Variants in USP37 observed in about 807,000 individuals in gnomAD.
USP37 encodes ubiquitin specific peptidase 37.
USP37 carries 27 observed loss-of-function variants against 124.0 expected under a neutral mutation model. The observed-to-expected ratio is 0.22, with a 90% confidence interval of 0.16 to 0.30. The LOEUF is 0.30. Among genes scored for constraint, USP37 ranks in the 10% least tolerant of loss-of-function variants. The pLI, the probability that USP37 is intolerant of heterozygous loss-of-function variation, is 1.00. For synonymous variants in USP37, 365 were observed against 388.0 expected (o/e 0.94, Z 0.70); for missense variants, 889 against 1,140.4 (o/e 0.78, Z 3.17).
rs573256010 is a variant in USP37 at position 218,454,260 on chromosome 2, A to C, written c.*670T>G. ...TTCTTGGGACTGCATGTAAACAGCA[A>C]AGACATCACAAATTCATGAAATTTG... On this transcript the variant is annotated 3_prime_UTR_variant, in exon 26 of 26. Coordinates refer to ENST00000258399, the MANE Select transcript of USP37 (RefSeq NM_020935.3). 6.5e-6 allele frequency: 1 copy of C among 152,776 alleles called. No homozygotes were observed. The highest frequency in any genetic ancestry group is 1.9e-4 in the East Asian group (1 of 5,192). 9.5% of individuals were successfully genotyped at this position (152,776 alleles called of 1,614,324 possible).
intron 4 of USP37, among the ~76,000 whole-genome samples, chr2:218,555,527 A>G (rs1692919904): frequency 6.6e-6 from 1 of 152,226 alleles, no homozygotes; most frequent in African/African-American, 2.4e-5. Context: ...AATAGATAAC[A>G]TTAAACGCAT....
intron 2 of USP37, among the ~76,000 whole-genome samples, 170 bp from the exon 3 acceptor site, chr2:218,561,053 T>C (rs1057425497): frequency 6.6e-6 from 1 of 152,236 alleles, no homozygotes; most frequent in Non-Finnish European, 1.5e-5. Context: ...GTCAAAGTAA[T>C]AGAGTCCATT....
intron 1 of USP37, among the ~76,000 whole-genome samples, chr2:218,565,323 C>T (rs1023667184): frequency 6.6e-5 from 10 of 152,154 alleles, no homozygotes; most frequent in East Asian, 3.8e-4. Context: ...AAAGATTAAC[C>T]GGTTGTTAAA....
At chr2:218,546,610 G>T (rs1184245602) in intron 7 of USP37, among the ~76,000 whole-genome samples, 4 of 152,120 alleles carry the variant, frequency 2.6e-5, no homozygotes, top group Non-Finnish European at 4.4e-5. Flanking sequence ...TAGTAGAGAA[G>T]GGTTTTCACT....
At chr2:218,537,789 G>C (rs531696429) in intron 8 of USP37, among the ~76,000 whole-genome samples, 1 of 152,284 alleles carries the variant, frequency 6.6e-6, no homozygotes, top group South Asian at 2.1e-4. Context: ...TCACCCACAG[G>C]AGAGTTGCAG....
intron 11 of USP37, chr2:218,498,465 T>C (rs71415838): frequency 0.055 from 9,263 of 168,394 alleles, 377 homozygotes; most frequent in East Asian, 0.12. Context: ...CAGTGGCTCA[T>C]GCCTGTAATC....
chr2:218,522,562 CA>C (rs11335637), intron 10 of USP37, among the ~76,000 whole-genome samples: 101,504 of 105,358 alleles, frequency 0.96, 48,873 homozygotes, highest in Middle Eastern at 0.99. Flanking sequence ...AACTCCACCA[CA>C]AAAAAAAAAA....
intron 1 of USP37, among the ~76,000 whole-genome samples, chr2:218,564,942 G>C: frequency 6.6e-6 from 1 of 151,814 alleles, no homozygotes; most frequent in East Asian, 1.9e-4. Flanking sequence ...TTTCATTTGA[G>C]ACAGAACCTC....
intron 20 of USP37, among the ~76,000 whole-genome samples, chr2:218,471,820 G>C (rs1030177355): frequency 6.6e-6 from 1 of 152,090 alleles, no homozygotes; most frequent in Non-Finnish European, 1.5e-5. Flanking sequence ...GAGGTCAGGA[G>C]TTCGAGACCA....
In USP37 at chr2:218,453,896, A is replaced by C. The variant is rs1689564782; in HGVS notation, c.*1034T>G. On this transcript the variant is annotated 3_prime_UTR_variant, in exon 26 of 26. Coordinates refer to ENST00000258399, the MANE Select transcript of USP37 (RefSeq NM_020935.3). ...AGGGCTTTTAGCTTCAGTGGTCCAG[A>C]ATTTTAGCTTTACCAGAAGAACACT... 6.6e-6 allele frequency: 1 copy of C among 152,150 alleles called. No homozygotes were observed. The highest frequency in any genetic ancestry group is 1.5e-5 in the Non-Finnish European group (1 of 68,026). The allele number at this position is 152,150 out of a possible 1,614,324, so 9.4% of individuals were successfully genotyped here.
chr2:218,506,286 C>CTTTTTTTTTTT (rs60620765), intron 11 of USP37, among the ~76,000 whole-genome samples: 1 of 72,618 alleles, frequency 1.4e-5, no homozygotes, highest in Non-Finnish European at 2.4e-5. Flanking sequence ...TTCTTTCTGG[C>CTTTTTTTTTTT]TTTTTTTTTT....
chr2:218,481,749 AG>A (rs1418155428), intron 17 of USP37, among the ~76,000 whole-genome samples: 1 of 144,790 alleles, frequency 6.9e-6, no homozygotes, highest in East Asian at 2.0e-4. Context: ...TTCATCTCCC[AG>A]GCTCCAGCAA....
rs200825290 is a variant in USP37, at chr2:218,558,506, T to G, written c.148A>C (p.Ile50Leu). The G allele has an allele frequency of 6.2e-7, 1 of 1,609,002 alleles. No individual in the cohort carries two copies. Among genetic ancestry groups the G allele is most frequent in the Non-Finnish European group, 8.5e-7 (1 of 1,178,198 alleles). The change falls in exon 4 of 26, where the codon ATA becomes CTA. Residue 50 changes from isoleucine (I) to leucine (L), a missense_variant. Ile to Leu is a conservative substitution (Grantham distance 5, BLOSUM62 2). Transcript: ENST00000258399. ...VHYNTGGIPR[I>L]FQLSHNIKNV... ...TCAATATTTGGTATTACCTGAAATA[T>G]CCTTGGAATTCCTCCAGTATTGTAG...
Position 218,450,368 on chromosome 2 carries a change from C to T in USP37, c.*4562G>A, listed in dbSNP as rs1310402097. 2 of 152,550 alleles carry T rather than the reference C, an allele frequency of 1.3e-5. No individual in the cohort carries two copies. Among genetic ancestry groups the T allele is most frequent in the African/African-American group, 4.8e-5 (2 of 41,420 alleles). The allele number at this position is 152,550 out of a possible 1,614,324, so 9.4% of individuals were successfully genotyped here. On this transcript the variant is annotated 3_prime_UTR_variant, in exon 26 of 26. Coordinates refer to ENST00000258399, the MANE Select transcript of USP37 (RefSeq NM_020935.3). ...ACAGAGGAACAGTTCTGCTAAAACACAGATAAAAGTGCCGCTCCATACAAA... is the reference window on the plus strand; with the variant it reads ...ACAGAGGAACAGTTCTGCTAAAACATAGATAAAAGTGCCGCTCCATACAAA...
intron 10 of USP37, among the ~76,000 whole-genome samples, chr2:218,515,672 G>A (rs541297334): frequency 6.6e-6 from 1 of 152,300 alleles, no homozygotes; most frequent in East Asian, 1.9e-4. Context: ...AAAAGCATTT[G>A]CAACAAAAGC....
chr2:218,470,417 G>A (rs1201964912), intron 20 of USP37, among the ~76,000 whole-genome samples: 5 of 151,632 alleles, frequency 3.3e-5, no homozygotes, highest in Non-Finnish European at 7.4e-5. Flanking sequence ...TTTCCTAAGA[G>A]GTCTCAAGTA....
At chr2:218,480,257 G>A (rs576820017) in intron 17 of USP37, among the ~76,000 whole-genome samples, 6 of 151,868 alleles carry the variant, frequency 4.0e-5, no homozygotes, top group Non-Finnish European at 7.4e-5. Flanking sequence ...AAAATCAGCC[G>A]GGCATGGTGG....
At chr2:218,537,167 A>G (rs1318803002) in intron 8 of USP37, among the ~76,000 whole-genome samples, 1 of 152,100 alleles carries the variant, frequency 6.6e-6, no homozygotes, top group Non-Finnish European at 1.5e-5. Flanking sequence ...AAATTATTTC[A>G]CTCCCTATAT....
intron 8 of USP37, among the ~76,000 whole-genome samples, chr2:218,537,407 C>G (rs1187994039): frequency 6.6e-6 from 1 of 152,156 alleles, no homozygotes; most frequent in Non-Finnish European, 1.5e-5. Context: ...CCCAATCACG[C>G]CCACCACTCA....
Sources: allele counts gnomAD v4.1 joint callset (sites outside exome capture counted in the v4.1 genomes callset), GRCh38; gene constraint gnomAD v4.1.1; transcripts MANE v1.5; gene names NCBI Gene and HGNC (gene_info 2026-07-23, HGNC 2026-07-21).